The following RPS6KA1 variants were observed in gnomAD, a reference collection of about 807,000 sequenced individuals.
RPS6KA1 encodes ribosomal protein S6 kinase alpha-1.
In RPS6KA1, 48 loss-of-function variants were observed where a neutral mutation model predicts 91.3. The observed-to-expected ratio is 0.53, with a 90% CI of 0.42 to 0.67. The LOEUF (loss-of-function observed/expected upper bound fraction) is 0.67, where lower values mean the gene tolerates loss of function less well. Ranked by LOEUF, RPS6KA1 falls within the 30% of genes least tolerant of loss-of-function variation. The probability of loss-of-function intolerance (pLI) is 0.00; values close to 1 mark genes in which losing one functional copy is unlikely to be tolerated. For synonymous variants in RPS6KA1, 359 were observed against 384.7 expected, an observed-to-expected ratio of 0.93 and a Z score of 0.78; for missense variants, 719 against 960.5, an observed-to-expected ratio of 0.75 and a Z score of 3.32.
intron 2 of RPS6KA1, among the ~76,000 whole-genome samples, chr1:26,544,696 G>A (rs1034179827): frequency 5.3e-5 from 8 of 151,448 alleles, no homozygotes; most frequent in African/African-American, 1.7e-4. Context: ...GGATGGTCTC[G>A]ATCTCCTAAC....
Position 26,571,747 on chromosome 1 carries a change from G to T in RPS6KA1, c.1753-102G>T, listed in dbSNP as rs1212281166. The T allele has an allele frequency of 2.0e-6, 3 of 1,482,762 alleles. No individual in the cohort carries two copies. The highest frequency in any genetic ancestry group is 1.4e-5 in the African/African-American group (1 of 72,120). The allele number at this position is 1,482,762 out of a possible 1,614,324, so 91.9% of individuals were successfully genotyped here. Reference sequence around the variant, plus strand: ...GCTGGCAAGGGAAGATCTAGCCTGTGCCTGGGACCCTTGTCCTGCCCTTGA... The same window carrying T: ...GCTGGCAAGGGAAGATCTAGCCTGTTCCTGGGACCCTTGTCCTGCCCTTGA... On this transcript the variant is annotated intron_variant, in intron 18 of 21. Transcript: ENST00000374168. This position sits in a 1 kb window ranked among gnomAD's most constrained non-coding sequence, Gnocchi z 5.1.
At chr1:26,566,755 A>T (rs1459330600) in intron 17 of RPS6KA1, among the ~76,000 whole-genome samples, 1 of 152,108 alleles carries the variant, frequency 6.6e-6, no homozygotes, top group Admixed American at 6.6e-5. Flanking sequence ...GGAGTTCATG[A>T]TTTAATATGT....
intron 4 of RPS6KA1, among the ~76,000 whole-genome samples, chr1:26,550,797 G>T (rs193088454): frequency 6.6e-6 from 1 of 152,180 alleles, no homozygotes; most frequent in African/African-American, 2.4e-5. Flanking sequence ...TCCTGGAGAA[G>T]GTGAGGCCTA....
chr1:26,562,140 G>A (rs942115968), intron 17 of RPS6KA1, among the ~76,000 whole-genome samples: 2 of 152,126 alleles, frequency 1.3e-5, no homozygotes, highest in Non-Finnish European at 2.9e-5. Context: ...GGAGGCGGAG[G>A]TTGCAGTGAG....
At chr1:26,563,032 T>C (rs1402955557) in intron 17 of RPS6KA1, among the ~76,000 whole-genome samples, 1 of 151,884 alleles carries the variant, frequency 6.6e-6, no homozygotes, top group Non-Finnish European at 1.5e-5. Flanking sequence ...AGAGATGGGG[T>C]TTCACCATGT....
chr1:26,530,686 G>A (rs1455153662), intron 1 of RPS6KA1: 1 of 1,215,620 alleles, frequency 8.2e-7, no homozygotes, highest in African/African-American at 1.6e-5. Context: ...CTGGGCCCTT[G>A]GGGAGTTTGG....
intron 4 of RPS6KA1, among the ~76,000 whole-genome samples, chr1:26,549,973 G>C (rs560571826): frequency 2.6e-5 from 4 of 151,324 alleles, no homozygotes; most frequent in African/African-American, 9.7e-5. Flanking sequence ...TCTGCCTCCC[G>C]GGTTCAAGTG....
rs372018878 is a variant in RPS6KA1 at position 26,539,035 on chromosome 1, A to C, written c.108+2066A>C. ...ATCCCCCACCTTCGAGAAGCTTCCA[A>C]TCTTTGGGCAGAGGGTAGAGACAGG... On this transcript the variant is annotated intron_variant, in intron 2 of 21. Transcript: ENST00000374168. Among the ~76,000 whole-genome samples, 983 of 152,262 alleles carry C rather than the reference A, an allele frequency of 6.5e-3. 4 individuals are homozygous for C. Among genetic ancestry groups the C allele is most frequent in the Non-Finnish European group, 9.0e-3 (609 of 68,004 alleles).
intron 1 of RPS6KA1, among the ~76,000 whole-genome samples, chr1:26,533,314 G>A (rs150261017): frequency 7.2e-4 from 109 of 152,212 alleles, no homozygotes; most frequent in African/African-American, 2.2e-3. Context: ...TCTTGACCTC[G>A]TGATCCTCGT....
chr1:26,530,711 G>T, intron 1 of RPS6KA1: 1 of 1,265,364 alleles, frequency 7.9e-7, no homozygotes, highest in Non-Finnish European at 1.0e-6. Context: ...TGCCAGCCCA[G>T]ACTCCCCAGA....
Position 26,529,831 on chromosome 1 carries a change from G to A in RPS6KA1, c.-90G>A. On this transcript the variant is annotated 5_prime_UTR_variant, in exon 1 of 22. Coordinates refer to ENST00000374168, the MANE Select transcript of RPS6KA1 (RefSeq NM_002953.4). The surrounding 1 kb of genome is among the most constrained non-coding windows in gnomAD (Gnocchi z 4.2). ...CGCGAGGGGCTCGGGGGGGCGCGGCGGTTCGGGTCGCAGAGCCAGGGACCC... is the reference window on the plus strand; with the variant it reads ...CGCGAGGGGCTCGGGGGGGCGCGGCAGTTCGGGTCGCAGAGCCAGGGACCC... The A allele has an allele frequency of 7.9e-6, 8 of 1,017,292 alleles. No homozygotes were observed. Among genetic ancestry groups the A allele is most frequent in the Non-Finnish European group, 1.0e-5 (8 of 795,536 alleles). 63.0% of individuals were successfully genotyped at this position (1,017,292 alleles called of 1,614,324 possible).
chr1:26,570,086 G>T (rs552646995), intron 17 of RPS6KA1, among the ~76,000 whole-genome samples: 1 of 152,326 alleles, frequency 6.6e-6, no homozygotes, highest in Non-Finnish European at 1.5e-5. Flanking sequence ...TGGTTGCCTT[G>T]TGGTAGGCAG....
At chr1:26,545,066 T>C (rs1356105487) in intron 2 of RPS6KA1, among the ~76,000 whole-genome samples, 1 of 151,914 alleles carries the variant, frequency 6.6e-6, no homozygotes, top group Non-Finnish European at 1.5e-5. Context: ...TGGATATGAA[T>C]TCCTCCTGCC....
Position 26,574,034 on chromosome 1 carries a change from T to C in RPS6KA1, c.2086-45T>C. On this transcript the variant is annotated intron_variant, in intron 21 of 21. Transcript: ENST00000374168. This position sits in a 1 kb window ranked among gnomAD's most constrained non-coding sequence, Gnocchi z 4.3. The stretch of plus-strand genomic sequence containing the variant: ...CTTGGGGCATGGATCCCCTCCCCGC[T>C]ACATCTCCCACCATTGTGACCTGAC... The C allele has an allele frequency of 6.3e-7, 1 of 1,595,856 alleles. No individual in the cohort carries two copies. The highest frequency in any genetic ancestry group is 8.6e-7 in the Non-Finnish European group (1 of 1,166,270).
chr1:26,547,049 C>T lies in RPS6KA1; in HGVS notation c.225+66C>T, dbSNP rs573783286. 1.4e-4 allele frequency: 218 copies of T among 1,533,026 alleles called. No homozygotes were observed. The African/African-American group carries it at 2.6e-3, about 18-fold the overall frequency. The allele number at this position is 1,533,026 out of a possible 1,614,324, so 95.0% of individuals were successfully genotyped here. ...TGTTAGAGGTGGGGGTCAAGGGTCA[C>T]CTAGGGGCCCAAAGGATCAGAGGTC... On this transcript the variant is annotated intron_variant, in intron 3 of 21. Coordinates refer to ENST00000374168, the MANE Select transcript of RPS6KA1 (RefSeq NM_002953.4). The surrounding 1 kb of genome is among the most constrained non-coding windows in gnomAD (Gnocchi z 4.1).
intron 17 of RPS6KA1, among the ~76,000 whole-genome samples, chr1:26,569,572 C>A (rs1282331613): frequency 3.3e-5 from 5 of 152,212 alleles, no homozygotes; most frequent in Non-Finnish European, 5.9e-5. Flanking sequence ...TCTACCTACT[C>A]CACGGGCTCC....
Position 26,571,947 on chromosome 1 carries a change from C to T in RPS6KA1, c.1829+22C>T, listed in dbSNP as rs368405678. 5.5e-5 allele frequency: 89 copies of T among 1,604,112 alleles called. No homozygotes were observed. The highest frequency in any genetic ancestry group is 7.4e-5 in the Non-Finnish European group (87 of 1,174,310). ...CAGGGTGAGTGCCCCTGGCCTGGAC[C>T]CTTCCCCACTCCTGCAGCCCTAGCA... On this transcript the variant is annotated intron_variant, in intron 19 of 21. Transcript: ENST00000374168. This position sits in a 1 kb window ranked among gnomAD's most constrained non-coding sequence, Gnocchi z 5.1.
In RPS6KA1 at chr1:26,571,952, C is replaced by T. The variant is rs775111242; in HGVS notation, c.1829+27C>T. The T allele has an allele frequency of 1.2e-6, 2 of 1,600,016 alleles. No homozygotes were observed. The highest frequency in any genetic ancestry group is 2.2e-5 in the East Asian group (1 of 44,658). ...TGAGTGCCCCTGGCCTGGACCCTTCCCCACTCCTGCAGCCCTAGCACTTGG... is the reference window on the plus strand; with the variant it reads ...TGAGTGCCCCTGGCCTGGACCCTTCTCCACTCCTGCAGCCCTAGCACTTGG... On this transcript the variant is annotated intron_variant, in intron 19 of 21. Transcript: ENST00000374168. The surrounding 1 kb of genome is among the most constrained non-coding windows in gnomAD (Gnocchi z 5.1).
intron 14 of RPS6KA1, among the ~76,000 whole-genome samples, chr1:26,559,639 C>T (rs1280550608): frequency 6.6e-6 from 1 of 151,798 alleles, no homozygotes; most frequent in African/African-American, 2.4e-5. Flanking sequence ...CTCAGCCTCC[C>T]AAGGTGCTGA....
Sources: gnomAD v4.1 joint callset for allele counts (sites outside exome capture counted in the v4.1 genomes callset) on GRCh38, gnomAD v4.1.1 for gene constraint, Gnocchi (gnomAD v3.1) non-coding constraint, MANE v1.5 for transcripts, NCBI Gene and HGNC (gene_info 2026-07-23, HGNC 2026-07-21) for gene names.